Variants in LRRC7 observed in about 807,000 individuals in gnomAD.
LRRC7 encodes leucine-rich repeat-containing protein 7.
LRRC7 carries 23 observed loss-of-function variants against 175.7 expected under a neutral mutation model. The ratio of observed to expected loss-of-function variants is 0.13; its 90% CI spans 0.09 to 0.19. The LOEUF is 0.19. LRRC7 is among the 10% of genes least tolerant of loss of function. The probability of loss-of-function intolerance (pLI) is 1.00; values close to 1 mark genes in which losing one functional copy is unlikely to be tolerated. For synonymous variants in LRRC7, 685 were observed against 680.9 expected (o/e 1.01, Z -0.09); for missense variants, 1,354 against 1,904.7 (o/e 0.71, Z 5.38).
chr1:69,932,231 C>T (rs1227940423), intron 8 of LRRC7, among the ~76,000 whole-genome samples: 3 of 152,096 alleles, frequency 2.0e-5, no homozygotes, highest in Non-Finnish European at 4.4e-5. Flanking sequence ...ACTTGAATAT[C>T]TCAAATTTCA....
At chr1:69,914,716 T>C (rs923285394) in intron 7 of LRRC7, among the ~76,000 whole-genome samples, 6 of 152,168 alleles carry the variant, frequency 3.9e-5, no homozygotes, top group Non-Finnish European at 8.8e-5. Context: ...AGGTATAGAA[T>C]AGGGTTGATA....
At chr1:69,860,189 A>G (rs2101528534) in intron 7 of LRRC7, among the ~76,000 whole-genome samples, 1 of 152,086 alleles carries the variant, frequency 6.6e-6, no homozygotes, top group South Asian at 2.1e-4. Flanking sequence ...TTTCCTAAAG[A>G]GTCAGCTGGC....
At chr1:69,876,303 C>T (rs946007567) in intron 7 of LRRC7, among the ~76,000 whole-genome samples, 2 of 152,024 alleles carry the variant, frequency 1.3e-5, no homozygotes, top group African/African-American at 2.4e-5. Context: ...AATTTTGTCA[C>T]CAAAAATTAT....
rs985942285 is a variant in LRRC7 at position 69,733,416 on chromosome 1, A to T, written c.101-26775A>T. On this transcript the variant is annotated intron_variant, in intron 2 of 26. Transcript: ENST00000651989. ...AGTGTAAAATTAAGTCAGTGAAGTA[A>T]TTTTATTTTAGTCCTCCAGGAAAGG... Among the ~76,000 whole-genome samples the T allele has an allele frequency of 1.3e-4, 20 of 152,168 alleles. No individual in the cohort carries two copies. The East Asian group carries it at 3.9e-3, about 29-fold the overall frequency.
chr1:69,925,421 A>T (rs942655410), intron 7 of LRRC7, among the ~76,000 whole-genome samples: 1 of 152,154 alleles, frequency 6.6e-6, no homozygotes, highest in Non-Finnish European at 1.5e-5. Flanking sequence ...CTGTGAATCC[A>T]TCTGGTCCTG....
At chr1:69,575,347 T>A (rs1490287840) in intron 1 of LRRC7, among the ~76,000 whole-genome samples, 2 of 152,170 alleles carry the variant, frequency 1.3e-5, no homozygotes, top group African/African-American at 4.8e-5. Context: ...GCTAGCCAAT[T>A]TGATGACACT....
At chr1:69,993,617 A>G (rs775405917) in intron 10 of LRRC7, among the ~76,000 whole-genome samples, 1 of 152,212 alleles carries the variant, frequency 6.6e-6, no homozygotes, top group Non-Finnish European at 1.5e-5. Context: ...TAGACAAACT[A>G]TTAAAGAAAG....
At chr1:69,915,751 T>C (rs1195758913) in intron 7 of LRRC7, among the ~76,000 whole-genome samples, 3 of 152,076 alleles carry the variant, frequency 2.0e-5, no homozygotes, top group African/African-American at 7.2e-5. Flanking sequence ...TAAAGCTTTT[T>C]CAAACTCTGA....
At chr1:69,998,695 C>T (rs770927674) in intron 11 of LRRC7, among the ~76,000 whole-genome samples, 3 of 152,182 alleles carry the variant, frequency 2.0e-5, no homozygotes, top group Non-Finnish European at 4.4e-5. Flanking sequence ...TAAAACTACC[C>T]TGGCTCTTTG....
At chr1:69,950,218 T>C (rs1381504084) in intron 8 of LRRC7, among the ~76,000 whole-genome samples, 3 of 151,240 alleles carry the variant, frequency 2.0e-5, no homozygotes, top group African/African-American at 2.5e-5. Flanking sequence ...AATAGACAGA[T>C]AGACATATGG....
chr1:69,663,071 A>G (rs1657719421), intron 1 of LRRC7, among the ~76,000 whole-genome samples: 2 of 152,056 alleles, frequency 1.3e-5, no homozygotes, highest in Admixed American at 1.3e-4. Flanking sequence ...ACTATTTATT[A>G]TTATTTCCAA....
chr1:70,109,534 C>T (rs1665381576), intron 26 of LRRC7, among the ~76,000 whole-genome samples: 1 of 152,216 alleles, frequency 6.6e-6, no homozygotes, highest in African/African-American at 2.4e-5. Context: ...ATAAAAACCA[C>T]ACATATAATA....
intron 8 of LRRC7, among the ~76,000 whole-genome samples, chr1:69,939,037 A>ATATATCTATCTATC (rs1557911148): frequency 2.5e-5 from 2 of 80,934 alleles, no homozygotes; most frequent in African/African-American, 7.7e-5. Context: ...ATATCTATAT[A>ATATATCTATCTATC]TATCTATATC....
chr1:69,900,893 C>T (rs762648786), intron 7 of LRRC7, among the ~76,000 whole-genome samples: 25 of 152,102 alleles, frequency 1.6e-4, no homozygotes, highest in Non-Finnish European at 3.4e-4. Flanking sequence ...GAGAATGACT[C>T]CCATGAGAGA....
intron 2 of LRRC7, among the ~76,000 whole-genome samples, chr1:69,748,159 C>T (rs1049719738): frequency 2.6e-5 from 4 of 152,232 alleles, no homozygotes; most frequent in African/African-American, 9.6e-5. Flanking sequence ...TTCTAAGTAT[C>T]CCGAAGGCAC....
intron 2 of LRRC7, among the ~76,000 whole-genome samples, chr1:69,684,152 C>T (rs1660830883): frequency 6.6e-6 from 1 of 152,110 alleles, no homozygotes; most frequent in South Asian, 2.1e-4. Context: ...CAGATACATA[C>T]AGACAGATAT....
At chr1:69,703,525 T>C (rs967934715) in intron 2 of LRRC7, among the ~76,000 whole-genome samples, 1 of 152,026 alleles carries the variant, frequency 6.6e-6, no homozygotes, top group African/African-American at 2.4e-5. Context: ...ACACTTATAC[T>C]GTACTAGCTG....
intron 7 of LRRC7, among the ~76,000 whole-genome samples, chr1:69,918,688 A>G (rs556809570): frequency 1.3e-5 from 2 of 152,330 alleles, no homozygotes; most frequent in Admixed American, 1.3e-4. Flanking sequence ...TACAAAACGT[A>G]GGGAAACAGC....
chr1:70,057,137 T>C (rs1395892342), intron 23 of LRRC7, among the ~76,000 whole-genome samples: 11 of 152,244 alleles, frequency 7.2e-5, no homozygotes, highest in Admixed American at 7.2e-4. Flanking sequence ...TCCCATATTA[T>C]AGCAATTTTG....
Sources: allele counts gnomAD v4.1 joint callset (sites outside exome capture counted in the v4.1 genomes callset), GRCh38; gene constraint gnomAD v4.1.1; transcripts MANE v1.5; gene names NCBI Gene and HGNC (gene_info 2026-07-23, HGNC 2026-07-21).